Variants in ABCC3 observed in about 807,000 individuals in gnomAD.
ABCC3 encodes the protein ATP binding cassette subfamily C member 3.
In ABCC3, 121 loss-of-function variants were observed where a neutral mutation model predicts 165.3. That is an observed-to-expected ratio of 0.73 (90% CI 0.63 to 0.85). The LOEUF is 0.85. Ranked by LOEUF, ABCC3 falls within the 40% of genes least tolerant of loss-of-function variation. The pLI is 0.00. For missense variants in ABCC3, 1,869 were observed against 1,964.1 expected, an observed-to-expected ratio of 0.95 and a Z score of 0.92; for synonymous variants, 733 against 810.1, an observed-to-expected ratio of 0.90 and a Z score of 1.62.
At chr17:50,677,465 G>C (rs1240010463) in intron 23 of ABCC3, among the ~76,000 whole-genome samples, 1 of 152,146 alleles carries the variant, frequency 6.6e-6, no homozygotes, top group African/African-American at 2.4e-5. Context: ...TAGACATCCT[G>C]TATAGCCTGG....
intron 1 of ABCC3, among the ~76,000 whole-genome samples, chr17:50,644,129 G>C (rs1966948658): frequency 6.6e-6 from 1 of 151,510 alleles, no homozygotes; most frequent in East Asian, 2.0e-4. Context: ...TGACCAACAC[G>C]GTGAAACCCC....
intron 18 of ABCC3, 32 bp from the exon 19 acceptor site, chr17:50,673,437 G>T (rs1169713919): frequency 6.2e-7 from 1 of 1,606,302 alleles, no homozygotes; most frequent in East Asian, 2.2e-5. Flanking sequence ...CTGGAGGGTG[G>T]TAGGGGTGAG....
At chr17:50,636,964 C>T (rs771615553) in intron 1 of ABCC3, among the ~76,000 whole-genome samples, 1 of 152,178 alleles carries the variant, frequency 6.6e-6, no homozygotes, top group African/African-American at 2.4e-5. Flanking sequence ...AACCGGACCC[C>T]GGGGCTGTGG....
Position 50,690,566 on chromosome 17 carries a change from A to C in ABCC3, c.4476-526A>C, listed in dbSNP as rs375929249. Among the ~76,000 whole-genome samples, 8 of 152,138 alleles carry C rather than the reference A, an allele frequency of 5.3e-5. No homozygotes were observed. The East Asian group carries it at 5.8e-4, about 11-fold the overall frequency. ...CGGTGAGTGGTTGGTGGGAGATTCT[A>C]ACCCTGGGCTCAGGCCTAGCTGTTT... is the stretch of plus-strand genomic sequence containing the variant. On this transcript the variant is annotated intron_variant, in intron 30 of 30. Transcript: ENST00000285238.
chr17:50,653,435 T>A (rs976971948), intron 1 of ABCC3, among the ~76,000 whole-genome samples: 4 of 150,500 alleles, frequency 2.7e-5, no homozygotes, highest in Admixed American at 2.0e-4. Context: ...AAGCAATTCA[T>A]GAATTCAGCA....
chr17:50,683,195 C>T (rs1967956075), intron 26 of ABCC3, among the ~76,000 whole-genome samples: 1 of 151,660 alleles, frequency 6.6e-6, no homozygotes, highest in South Asian at 2.1e-4. Flanking sequence ...AGTGACAGAA[C>T]AAGAACTTGT....
rs772570072 is a variant in ABCC3, at chr17:50,673,476, T to C, written c.2417T>C (p.Val806Ala). 6.2e-6 allele frequency: 10 copies of C among 1,613,874 alleles called. No individual in the cohort carries two copies. In the African/African-American group the frequency reaches 1.3e-4, roughly 22 times the overall value. The change falls in exon 19 of 31, where the codon GTG becomes GCG. Residue 806 changes from valine to alanine, a missense_variant. Physicochemically the swap from Val to Ala is moderately conservative, Grantham distance 64 (BLOSUM62 0). Transcript: ENST00000285238. Reference protein sequence around the residue: ...PEGVLAGKTRVLVTHGISFLP... With the variant: ...PEGVLAGKTRALVTHGISFLP... The stretch of plus-strand genomic sequence containing the variant: ...CTGCTGCCTTCTCCCCAGACGCGAG[T>C]GCTGGTGACGCACGGCATTAGCTTC...
intron 1 of ABCC3, chr17:50,635,657 G>A: frequency 1.4e-6 from 1 of 694,476 alleles, no homozygotes; most frequent in Non-Finnish European, 2.6e-6. Context: ...TGGAGAAAGG[G>A]AGGCCCAGAG....
chr17:50,661,072 T>G lies in ABCC3; in HGVS notation c.956T>G (p.Leu319Arg). The change falls in exon 8 of 31, where the codon CTT becomes CGT. Residue 319 changes from leucine to arginine, a missense_variant. Leu to Arg is a moderately radical substitution (Grantham distance 102). Coordinates refer to ENST00000285238, the MANE Select transcript of ABCC3 (RefSeq NM_003786.4). ...TTCCTCATCAGTGCCTGCTTCAAGCTTATCCAGGACCTGCTCTCCTTCATC... is the reference window on the plus strand; with the variant it reads ...TTCCTCATCAGTGCCTGCTTCAAGCGTATCCAGGACCTGCTCTCCTTCATC... ...SSFLISACFK[L>R]IQDLLSFINP... 1 of 1,614,140 alleles carries G rather than the reference T, an allele frequency of 6.2e-7. No individual in the cohort carries two copies. Among genetic ancestry groups the G allele is most frequent in the Non-Finnish European group, 8.5e-7 (1 of 1,179,976 alleles).
At chr17:50,673,187 AAG>A (rs1567834995) in intron 18 of ABCC3, 49 bp downstream of exon 18, 10 of 1,603,906 alleles carry the variant, frequency 6.2e-6, no homozygotes, top group Non-Finnish European at 8.5e-6. Context: ...CTGAGGCCCG[AAG>A]AGAGAGCTGG....
At position 50,683,979 on chromosome 17, in the gene ABCC3, A is replaced by G. The variant is rs1436118137; in HGVS notation, c.3985A>G (p.Lys1329Glu). Reference sequence around the variant, plus strand: ...GATCGTGGGCCGCACTGGGGCTGGCAAGTCTTCCATGACCCTTTGCCTGTT... The same window carrying G: ...GATCGTGGGCCGCACTGGGGCTGGCGAGTCTTCCATGACCCTTTGCCTGTT... ...VGIVGRTGAG[K>E]SSMTLCLFRI... Residue 1329 changes from lysine to glutamate, a missense_variant, in exon 28 of 31, where the codon AAG (lysine) becomes GAG (glutamate). Transcript: ENST00000285238. 1.2e-6 allele frequency: 2 copies of G among 1,613,424 alleles called. No individual in the cohort carries two copies. Among genetic ancestry groups the G allele is most frequent in the Non-Finnish European group, 1.7e-6 (2 of 1,179,678 alleles).
At chr17:50,642,527 G>C (rs1252971706) in intron 1 of ABCC3, among the ~76,000 whole-genome samples, 1 of 152,216 alleles carries the variant, frequency 6.6e-6, no homozygotes, top group Admixed American at 6.5e-5. Context: ...GCTTCCCTGA[G>C]TGTTGTCCCG....
chr17:50,638,698 C>G (rs2054201302), intron 1 of ABCC3, among the ~76,000 whole-genome samples: 1 of 152,188 alleles, frequency 6.6e-6, no homozygotes, highest in Non-Finnish European at 1.5e-5. Context: ...GAAAGGTGAC[C>G]TCATTGTTCC....
chr17:50,685,964 G>C lies in ABCC3; in HGVS notation c.4280+1089G>C, dbSNP rs530394185. 8.3e-4 allele frequency among the ~76,000 whole-genome samples: 126 copies of C among 152,340 alleles called. 1 individual carries two copies. The highest frequency in any genetic ancestry group is 2.6e-3 in the African/African-American group (109 of 41,574). On this transcript the variant is annotated intron_variant, in intron 29 of 30. Coordinates refer to ENST00000285238, the MANE Select transcript of ABCC3 (RefSeq NM_003786.4). Reference sequence around the variant, plus strand: ...TAATCCCAGCACTTTAGGAGGCCAAGGCAGGTGGATCACTTGAGGGCAGGA... The same window carrying C: ...TAATCCCAGCACTTTAGGAGGCCAACGCAGGTGGATCACTTGAGGGCAGGA...
Position 50,675,405 on chromosome 17 carries a change from C to T in ABCC3, c.2643C>T (p.Asp881=), listed in dbSNP as rs147862569. 3 of 1,614,082 alleles carry T rather than the reference C, an allele frequency of 1.9e-6. No homozygotes were observed. The highest frequency in any genetic ancestry group is 2.5e-6 in the Non-Finnish European group (3 of 1,179,992). Reference sequence around the variant, plus strand: ...ATAAGGAGGCACTGCTGATTGAAGACACACTCAGCAACCACACGGATCTGA... The same window carrying T: ...ATAAGGAGGCACTGCTGATTGAAGATACACTCAGCAACCACACGGATCTGA... ...AEDKEALLIE[D]TLSNHTDLTD... Residue 881 remains aspartate (D), a synonymous_variant, in exon 20 of 31, where the codon GAC becomes GAT. Transcript: ENST00000285238.
intron 7 of ABCC3, 79 bp downstream of exon 7, chr17:50,659,447 G>A: frequency 6.6e-7 from 1 of 1,506,940 alleles, no homozygotes; most frequent in Non-Finnish European, 8.9e-7. Context: ...GTAGACCTTG[G>A]AGGGCGGCAT....
At chr17:50,686,804 C>T (rs186984859) in intron 29 of ABCC3, among the ~76,000 whole-genome samples, 10 of 152,200 alleles carry the variant, frequency 6.6e-5, no homozygotes, top group South Asian at 2.1e-4. Context: ...TCATTAGTTG[C>T]GGGAATGGGC....
At chr17:50,646,397 A>G (rs771331674) in intron 1 of ABCC3, among the ~76,000 whole-genome samples, 1 of 152,190 alleles carries the variant, frequency 6.6e-6, no homozygotes, top group African/African-American at 2.4e-5. Context: ...TGTAGGGTGT[A>G]TGGAGTGAAG....
chr17:50,668,007 C>G lies in ABCC3; in HGVS notation c.1780C>G (p.Gln594Glu). 6.2e-7 allele frequency: 1 copy of G among 1,613,846 alleles called. No homozygotes were observed. The highest frequency in any genetic ancestry group is 1.3e-5 in the African/African-American group (1 of 75,056). The part of the protein sequence containing the change: ...MLPQLISNLT[Q>E]ASVSLKRIQQ... ...GCCCCAGTTAATCAGCAACCTGACT[C>G]AGGTAACCCTGGGTAGGGCTGGGGG... The change falls in exon 13 of 31, where the codon CAG becomes GAG. Residue 594 changes from glutamine (Q) to glutamate (E), a missense_variant and splice_region_variant. Physicochemically the swap from Gln to Glu is conservative, Grantham distance 29. Transcript: ENST00000285238.
Sources: allele counts gnomAD v4.1 joint callset (sites outside exome capture counted in the v4.1 genomes callset), GRCh38; gene constraint gnomAD v4.1.1; transcripts MANE v1.5; gene names NCBI Gene and HGNC (gene_info 2026-07-23, HGNC 2026-07-21).